The following FER variants were observed in gnomAD, a reference collection of about 807,000 sequenced individuals.
FER encodes FER tyrosine kinase.
Under a neutral mutation model 111.0 loss-of-function variants are expected in FER, and 63 were observed. That is an observed-to-expected ratio of 0.57 (90% CI 0.46 to 0.70). The LOEUF (loss-of-function observed/expected upper bound fraction) is 0.70, where lower values mean the gene tolerates loss of function less well. FER is among the 30% of genes least tolerant of loss of function. The probability of loss-of-function intolerance (pLI) is 0.00; values close to 1 mark genes in which losing one functional copy is unlikely to be tolerated. For missense variants in FER, 914 were observed against 954.0 expected, an observed-to-expected ratio of 0.96 and a Z score of 0.55; for synonymous variants, 327 against 313.9, an observed-to-expected ratio of 1.04 and a Z score of -0.44.
In FER at chr5:109,143,975, T is replaced by C. The variant is rs532080375; in HGVS notation, c.2049-36772T>C. On this transcript the variant is annotated intron_variant, in intron 17 of 19. Transcript: ENST00000281092. ...AGACTAGGAGGCATCTTGATTGCCA[T>C]TAACACACTGGCTCTTGCCACCAAT... 2.0e-5 allele frequency among the ~76,000 whole-genome samples: 3 copies of C among 152,046 alleles called. No homozygotes were observed. In the South Asian group the frequency reaches 6.2e-4, roughly 32 times the overall value.
chr5:108,914,271 GA>G (rs1751961133), intron 10 of FER, among the ~76,000 whole-genome samples: 1 of 151,470 alleles, frequency 6.6e-6, no homozygotes, highest in African/African-American at 2.4e-5. Flanking sequence ...GTATGTGTTA[GA>G]TTGTGTGTTG....
intron 17 of FER, among the ~76,000 whole-genome samples, chr5:109,162,152 T>C (rs898648662): frequency 6.6e-6 from 1 of 152,140 alleles, no homozygotes; most frequent in Non-Finnish European, 1.5e-5. Context: ...ATGTACTTTT[T>C]CAGGAATGCT....
chr5:108,751,078 G>C (rs1383542863), intron 1 of FER, among the ~76,000 whole-genome samples: 2 of 152,140 alleles, frequency 1.3e-5, no homozygotes, highest in Non-Finnish European at 2.9e-5. Flanking sequence ...TGTAATCCCA[G>C]CTACTCGGGA....
In FER at chr5:108,824,289, AT is replaced by A. The variant is rs938044120; in HGVS notation, c.208-8471del. 1.3e-4 allele frequency among the ~76,000 whole-genome samples: 20 copies of A among 149,382 alleles called. 1 individual carries two copies. The highest frequency in any genetic ancestry group is 2.0e-4 in the Admixed American group (3 of 15,002). ...TTTATGGCTCCATAAGAAGTTTAGG[AT>A]TTTTTTTTTCTATTTCAAAATTCTA... On this transcript the variant is annotated intron_variant, in intron 3 of 19. Coordinates refer to ENST00000281092, the MANE Select transcript of FER (RefSeq NM_005246.4).
intron 17 of FER, among the ~76,000 whole-genome samples, chr5:109,140,787 T>C (rs74353195): frequency 0.034 from 5,193 of 152,250 alleles, 144 homozygotes; most frequent in South Asian, 0.084. Context: ...GTGGAGTATA[T>C]TTAAATCATA....
intron 15 of FER, among the ~76,000 whole-genome samples, chr5:109,045,257 A>G (rs555217948): frequency 6.7e-6 from 1 of 149,238 alleles, no homozygotes; most frequent in South Asian, 2.1e-4. Context: ...TAACTTACAT[A>G]TACATTTAAG....
chr5:108,777,556 C>T (rs1753626387), intron 2 of FER, among the ~76,000 whole-genome samples: 3 of 152,160 alleles, frequency 2.0e-5, no homozygotes, highest in Admixed American at 2.0e-4. Flanking sequence ...GTTTCACTGT[C>T]CTAAAAATCC....
chr5:108,850,729 G>C (rs1284993832), intron 5 of FER, among the ~76,000 whole-genome samples: 2 of 151,848 alleles, frequency 1.3e-5, no homozygotes, highest in African/African-American at 2.4e-5. Flanking sequence ...TGTTTATTTA[G>C]GGCAGATCAT....
chr5:109,058,259 GA>G (rs1486335432), intron 16 of FER, among the ~76,000 whole-genome samples: 1 of 152,092 alleles, frequency 6.6e-6, no homozygotes, highest in African/African-American at 2.4e-5. Flanking sequence ...TTTAATGAAT[GA>G]ATGACAAATG....
intron 5 of FER, among the ~76,000 whole-genome samples, chr5:108,852,784 T>C (rs1016207933): frequency 2.0e-5 from 3 of 152,128 alleles, no homozygotes; most frequent in Non-Finnish European, 2.9e-5. Context: ...ATTAATATGA[T>C]AGGAATTTTA....
At chr5:109,142,167 C>T (rs919157424) in intron 17 of FER, among the ~76,000 whole-genome samples, 2 of 152,154 alleles carry the variant, frequency 1.3e-5, no homozygotes, top group African/African-American at 4.8e-5. Flanking sequence ...ACAGAGACTG[C>T]CATAAAAACC....
At chr5:108,974,375 A>G (rs1761060888) in intron 13 of FER, among the ~76,000 whole-genome samples, 1 of 152,192 alleles carries the variant, frequency 6.6e-6, no homozygotes, top group South Asian at 2.1e-4. Flanking sequence ...GAAGGGCCTG[A>G]GACAGCATAG....
chr5:109,028,302 A>G (rs1253018817), intron 13 of FER, among the ~76,000 whole-genome samples: 1 of 152,242 alleles, frequency 6.6e-6, no homozygotes, highest in African/African-American at 2.4e-5. Flanking sequence ...AGCAATCTAT[A>G]ATTCATTTGC....
At chr5:108,794,159 C>T (rs1755717955) in intron 2 of FER, among the ~76,000 whole-genome samples, 1 of 151,234 alleles carries the variant, frequency 6.6e-6, no homozygotes, top group Non-Finnish European at 1.5e-5. Context: ...TGATTCGTTA[C>T]TGCTCATTAA....
chr5:109,154,017 G>A (rs1755111925), intron 17 of FER, among the ~76,000 whole-genome samples: 5 of 151,614 alleles, frequency 3.3e-5, no homozygotes, highest in Admixed American at 3.3e-4. Flanking sequence ...TCTTATATTT[G>A]TTTAAGGATC....
intron 3 of FER, among the ~76,000 whole-genome samples, chr5:108,810,117 T>C (rs1757595185): frequency 1.3e-5 from 2 of 152,242 alleles, no homozygotes; most frequent in Non-Finnish European, 2.9e-5. Context: ...TCTCTTTTCC[T>C]TTCCCCTCCT....
intron 2 of FER, among the ~76,000 whole-genome samples, chr5:108,790,660 A>G (rs1383746275): frequency 6.6e-6 from 1 of 152,276 alleles, no homozygotes; most frequent in East Asian, 1.9e-4. Context: ...GCTTTTTTGA[A>G]CTATTATTTA....
chr5:109,144,515 A>G (rs1488836972), intron 17 of FER, among the ~76,000 whole-genome samples: 1 of 152,180 alleles, frequency 6.6e-6, no homozygotes, highest in Non-Finnish European at 1.5e-5. Flanking sequence ...TTATCTATGT[A>G]TATCAGATGG....
intron 13 of FER, among the ~76,000 whole-genome samples, chr5:109,025,259 A>C (rs1768539892): frequency 6.6e-6 from 1 of 152,028 alleles, no homozygotes; most frequent in Admixed American, 6.6e-5. Flanking sequence ...TGAACATGGA[A>C]TGTTCTTCCA....
Sources: allele counts gnomAD v4.1 joint callset (sites outside exome capture counted in the v4.1 genomes callset), GRCh38; gene constraint gnomAD v4.1.1; transcripts MANE v1.5; gene names NCBI Gene and HGNC (gene_info 2026-07-23, HGNC 2026-07-21).